Variants in DIP2A observed in about 807,000 individuals in gnomAD.
The protein encoded by DIP2A is DIP2 acetate--CoA ligase A.
In DIP2A, 85 loss-of-function variants were observed where a neutral mutation model predicts 177.4. The observed-to-expected ratio is 0.48, with a 90% CI of 0.40 to 0.57. The LOEUF (loss-of-function observed/expected upper bound fraction) is 0.57. Ranked by LOEUF, DIP2A falls within the 20% of genes least tolerant of loss-of-function variation. The pLI, the probability that DIP2A is intolerant of heterozygous loss-of-function variation, is 0.00. For missense variants in DIP2A, 1,791 were observed against 2,100.2 expected (o/e 0.85, Z 2.88); for synonymous variants, 886 against 881.8 (o/e 1.00, Z -0.08).
intron 8 of DIP2A, among the ~76,000 whole-genome samples, chr21:46,528,131 C>G (rs545289698): frequency 1.5e-4 from 23 of 152,198 alleles, no homozygotes; most frequent in African/African-American, 4.3e-4. Flanking sequence ...GGCATTGATA[C>G]CCGGATCACC....
At chr21:46,554,127 C>G in intron 25 of DIP2A, 42 bp from the exon 26 acceptor site, 1 of 1,597,510 alleles carries the variant, frequency 6.3e-7, no homozygotes, top group South Asian at 1.1e-5. Context: ...AGCCCACCTG[C>G]ACGCACCAGC....
intron 8 of DIP2A, among the ~76,000 whole-genome samples, chr21:46,523,583 T>C (rs73152856): frequency 0.06 from 8,072 of 134,082 alleles, 321 homozygotes; most frequent in Non-Finnish European, 0.092. Flanking sequence ...AAATCTCTTA[T>C]TACCCAACTT....
At chr21:46,489,433 G>T (rs73909567) in intron 2 of DIP2A, among the ~76,000 whole-genome samples, 7,056 of 152,212 alleles carry the variant, frequency 0.046, 528 homozygotes, top group African/African-American at 0.16. Flanking sequence ...CGAGCACCTG[G>T]CTCCCCACCC....
intron 23 of DIP2A, among the ~76,000 whole-genome samples, chr21:46,551,009 G>C (rs1358037776): frequency 4.6e-5 from 7 of 152,194 alleles, no homozygotes; most frequent in African/African-American, 1.7e-4. Context: ...ATAAACTCAA[G>C]GATGGCATCT....
chr21:46,468,594 A>G (rs9637222), intron 1 of DIP2A, among the ~76,000 whole-genome samples: 100,408 of 152,010 alleles, frequency 0.66, 34,003 homozygotes, highest in East Asian at 0.79. Context: ...TCAGTTATAC[A>G]GGATGAGTAA....
the DIP2A span, among the ~76,000 whole-genome samples, chr21:46,580,162 G>A: frequency 6.6e-6 from 1 of 152,198 alleles, no homozygotes; most frequent in Admixed American, 6.5e-5. Flanking sequence ...ATTTAGGACA[G>A]TTAGCTCTTC....
chr21:46,514,936 A>G (rs73152848), intron 8 of DIP2A, among the ~76,000 whole-genome samples: 1 of 152,076 alleles, frequency 6.6e-6, no homozygotes, highest in Non-Finnish European at 1.5e-5. Flanking sequence ...AATTTGGTGA[A>G]TTATTTTGAT....
chr21:46,475,162 C>G lies in DIP2A; in HGVS notation c.92-9595C>G, dbSNP rs772938601. ...GGAAAAACATTGAAGTGGATAATATCTAAGTTCTCCTTTCAGTTGCAAGGC... is the reference window on the plus strand; with the variant it reads ...GGAAAAACATTGAAGTGGATAATATGTAAGTTCTCCTTTCAGTTGCAAGGC... On this transcript the variant is annotated intron_variant, in intron 1 of 37. Transcript: ENST00000417564. 9.9e-4 allele frequency among the ~76,000 whole-genome samples: 149 copies of G among 151,112 alleles called. 1 individual carries two copies. Among genetic ancestry groups the G allele is most frequent in the Admixed American group, 3.0e-3 (45 of 15,250 alleles).
At chr21:46,520,756 G>A (rs1165035215) in intron 8 of DIP2A, among the ~76,000 whole-genome samples, 1 of 152,176 alleles carries the variant, frequency 6.6e-6, no homozygotes, top group Admixed American at 6.5e-5. Flanking sequence ...AGTTATAGAA[G>A]TTTCACACGA....
At chr21:46,532,995 G>A (rs2148763677) in intron 10 of DIP2A, among the ~76,000 whole-genome samples, 1 of 152,274 alleles carries the variant, frequency 6.6e-6, no homozygotes, top group Middle Eastern at 3.4e-3. Flanking sequence ...TATGTGATGG[G>A]CAGGTATTTG....
At chr21:46,578,336 A>G in the DIP2A span, among the ~76,000 whole-genome samples, 1 of 148,672 alleles carries the variant, frequency 6.7e-6, no homozygotes, top group Non-Finnish European at 1.5e-5. Context: ...AAAAACAACG[A>G]CAACAAAAAA....
chr21:46,517,575 A>T (rs960020138), intron 8 of DIP2A, among the ~76,000 whole-genome samples: 4 of 152,080 alleles, frequency 2.6e-5, no homozygotes, highest in Non-Finnish European at 4.4e-5. Context: ...TGGTGTGTCC[A>T]TGTGTCTCTT....
intron 8 of DIP2A, among the ~76,000 whole-genome samples, chr21:46,519,841 G>A (rs937828937): frequency 9.2e-5 from 12 of 130,184 alleles, no homozygotes; most frequent in African/African-American, 3.2e-4. Context: ...CCCAGAATTA[G>A]AATATTGATC....
At chr21:46,463,959 C>T (rs1396992263) in intron 1 of DIP2A, among the ~76,000 whole-genome samples, 1 of 151,548 alleles carries the variant, frequency 6.6e-6, no homozygotes, top group African/African-American at 2.4e-5. Flanking sequence ...CCACCTGCCT[C>T]GGCCTCCCAA....
intron 25 of DIP2A, 44 bp from the exon 26 acceptor site, chr21:46,554,125 T>G (rs751885169): frequency 6.9e-7 from 1 of 1,449,398 alleles, no homozygotes; most frequent in Non-Finnish European, 9.3e-7. Context: ...ACAGCCCACC[T>G]GCACGCACCA....
chr21:46,539,297 C>A, intron 16 of DIP2A: 1 of 168,316 alleles, frequency 5.9e-6, no homozygotes, highest in African/African-American at 2.4e-5. Flanking sequence ...CTGGAGACTA[C>A]CCTGCATCAG....
intron 7 of DIP2A, 43 bp from the exon 8 acceptor site, chr21:46,511,374 G>C: frequency 6.5e-7 from 1 of 1,539,556 alleles, no homozygotes; most frequent in Non-Finnish European, 8.8e-7. Context: ...TGTGTTCGTG[G>C]TGCTCTGAAT....
chr21:46,581,049 G>T, the DIP2A span, among the ~76,000 whole-genome samples: 1 of 152,150 alleles, frequency 6.6e-6, no homozygotes. Flanking sequence ...TTCCAACTTG[G>T]TGCCATTCTC....
intron 23 of DIP2A, among the ~76,000 whole-genome samples, chr21:46,551,271 A>G (rs1392011682): frequency 1.3e-5 from 2 of 152,010 alleles, no homozygotes; most frequent in South Asian, 2.1e-4. Flanking sequence ...GTTTTTTTTT[A>G]TTAATTATTG....
Sources: gnomAD v4.1 joint callset for allele counts (sites outside exome capture counted in the v4.1 genomes callset) on GRCh38, gnomAD v4.1.1 for gene constraint, MANE v1.5 for transcripts, NCBI Gene and HGNC (gene_info 2026-07-23, HGNC 2026-07-21) for gene names.